Variants in EDC3 observed in about 807,000 individuals in gnomAD.
EDC3 encodes the protein enhancer of mRNA decapping 3.
In EDC3, 20 loss-of-function variants were observed where a neutral mutation model predicts 41.8. The ratio of observed to expected loss-of-function variants is 0.48; its 90% confidence interval spans 0.34 to 0.70. The LOEUF (loss-of-function observed/expected upper bound fraction) is 0.70. EDC3 is among the 30% of genes least tolerant of loss of function. The pLI, the probability that EDC3 is intolerant of heterozygous loss-of-function variation, is 0.01. For missense variants in EDC3, 444 were observed against 636.8 expected, an observed-to-expected ratio of 0.70 and a Z score of 3.26; for synonymous variants, 206 against 243.2, an observed-to-expected ratio of 0.85 and a Z score of 1.42.
At chr15:74,694,800 C>T (rs1419562387) in intron 1 of EDC3, among the ~76,000 whole-genome samples, 2 of 152,026 alleles carry the variant, frequency 1.3e-5, no homozygotes, top group Non-Finnish European at 2.9e-5. Context: ...AACTGTGGGT[C>T]ACAGGTAAAA....
intron 1 of EDC3, among the ~76,000 whole-genome samples, chr15:74,688,427 A>C (rs1179803375): frequency 6.6e-6 from 1 of 152,244 alleles, no homozygotes; most frequent in African/African-American, 2.4e-5. Context: ...CAATTCACCC[A>C]TGTGACCACC....
At chr15:74,690,561 G>T (rs1014673692) in intron 1 of EDC3, among the ~76,000 whole-genome samples, 1 of 152,218 alleles carries the variant, frequency 6.6e-6, no homozygotes, top group Non-Finnish European at 1.5e-5. Context: ...GGATGAGTGA[G>T]TAGTTATAGA....
At chr15:74,693,447 A>G (rs1596339162) in intron 1 of EDC3, among the ~76,000 whole-genome samples, 1 of 152,182 alleles carries the variant, frequency 6.6e-6, no homozygotes, top group East Asian at 1.9e-4. Context: ...GGCAATCACC[A>G]ACCAAATGAC....
chr15:74,687,774 C>G (rs1482971323), intron 1 of EDC3, among the ~76,000 whole-genome samples: 1 of 152,154 alleles, frequency 6.6e-6, no homozygotes, highest in Admixed American at 6.6e-5. Flanking sequence ...TCCTGATCAA[C>G]CTTTGCCTAA....
At chr15:74,648,295 T>G (rs2062440438) in intron 4 of EDC3, among the ~76,000 whole-genome samples, 1 of 152,232 alleles carries the variant, frequency 6.6e-6, no homozygotes, top group Non-Finnish European at 1.5e-5. Context: ...CTTGAAAGCC[T>G]TAGATTACTT....
rs547842481 is a variant in EDC3, at chr15:74,634,767, C to T, written c.1192+642G>A. ...TCTTGTCTTAGCCACCATAATCTCTCTCTCCCATGATCACAACAGCATCTT... is the reference window on the plus strand; with the variant it reads ...TCTTGTCTTAGCCACCATAATCTCTTTCTCCCATGATCACAACAGCATCTT... On this transcript the variant is annotated intron_variant, in intron 6 of 6. Transcript: ENST00000315127. Among the ~76,000 whole-genome samples, 12 of 152,334 alleles carry T rather than the reference C, an allele frequency of 7.9e-5. No individual in the cohort carries two copies. The South Asian group carries it at 2.1e-3, about 26-fold the overall frequency.
At position 74,668,627 on chromosome 15, in the gene EDC3, G is replaced by C. The variant is rs548780045; in HGVS notation, c.484+2828C>G. Among the ~76,000 whole-genome samples, 78 of 152,162 alleles carry C rather than the reference G, an allele frequency of 5.1e-4. 1 individual carries two copies. The highest frequency in any genetic ancestry group is 4.1e-3 in the Admixed American group (63 of 15,266). ...CCCAGCTACTCAGGAGGCTGAGGTG[G>C]GAGGATCATTTGAGCCTGGGAGTTC... On this transcript the variant is annotated intron_variant, in intron 3 of 6. Coordinates refer to ENST00000315127, the MANE Select transcript of EDC3 (RefSeq NM_025083.5).
At chr15:74,644,815 A>G (rs575236072) in intron 4 of EDC3, 1 of 152,226 alleles carries the variant, frequency 6.6e-6, no homozygotes, top group African/African-American at 2.4e-5. Context: ...GCTCAACAAA[A>G]ACCTACTAAT....
At chr15:74,687,502 T>C (rs1029012656) in intron 1 of EDC3, among the ~76,000 whole-genome samples, 2 of 152,140 alleles carry the variant, frequency 1.3e-5, no homozygotes, top group Admixed American at 6.6e-5. Context: ...CTCAGCCTCC[T>C]GAGTAGCTGG....
At chr15:74,689,859 A>ATTTCTTAC (rs1253932834) in intron 1 of EDC3, among the ~76,000 whole-genome samples, 1 of 152,230 alleles carries the variant, frequency 6.6e-6, no homozygotes, top group African/African-American at 2.4e-5. Context: ...AGGTAAGAAT[A>ATTTCTTAC]CTTTAATTCA....
intron 3 of EDC3, among the ~76,000 whole-genome samples, chr15:74,667,212 A>C (rs572208881): frequency 1.3e-5 from 2 of 152,214 alleles, no homozygotes; most frequent in East Asian, 3.9e-4. Context: ...GTAATGGATT[A>C]AAGTTGGAGA....
chr15:74,649,496 C>T (rs1050705391), intron 4 of EDC3, among the ~76,000 whole-genome samples: 8 of 152,224 alleles, frequency 5.3e-5, no homozygotes, highest in African/African-American at 1.4e-4. Flanking sequence ...CTATGACTTA[C>T]CCAGAGTATT....
At chr15:74,686,082 T>C (rs979468580) in intron 1 of EDC3, among the ~76,000 whole-genome samples, 4 of 151,710 alleles carry the variant, frequency 2.6e-5, no homozygotes, top group African/African-American at 9.7e-5. Flanking sequence ...ATCCCAGCAC[T>C]TTGGAAGGCT....
intron 4 of EDC3, among the ~76,000 whole-genome samples, chr15:74,647,762 T>G (rs2141598517): frequency 6.6e-6 from 1 of 152,332 alleles, no homozygotes; most frequent in East Asian, 1.9e-4. Flanking sequence ...CTCAACCAAG[T>G]CACTGGCAGG....
intron 1 of EDC3, among the ~76,000 whole-genome samples, chr15:74,686,487 C>CA (rs1156323873): frequency 8.0e-5 from 12 of 150,472 alleles, no homozygotes; most frequent in Admixed American, 1.3e-4. Context: ...GACTCCATCT[C>CA]AAAAAAAATT....
chr15:74,661,292 T>C (rs568957780), intron 3 of EDC3, among the ~76,000 whole-genome samples: 23 of 152,290 alleles, frequency 1.5e-4, no homozygotes, highest in Admixed American at 8.5e-4. Flanking sequence ...ATCAAGAAGG[T>C]CATTCCAAAC....
intron 1 of EDC3, among the ~76,000 whole-genome samples, chr15:74,678,253 T>C (rs1402858106): frequency 1.3e-5 from 2 of 152,074 alleles, no homozygotes; most frequent in Admixed American, 1.3e-4. Context: ...CAACGAAGTG[T>C]CAGTGTAGGT....
rs2062742903 is a variant in EDC3 at position 74,671,871 on chromosome 15, C to A, written c.165-97G>T. ...AAACAGCTACCCCTTTGCAGGACTG[C>A]ATTTTATTGAGTTATCAGAGGCTAG... is the stretch of plus-strand genomic sequence containing the variant. On this transcript the variant is annotated intron_variant, in intron 2 of 6. Coordinates refer to ENST00000315127, the MANE Select transcript of EDC3 (RefSeq NM_025083.5). The surrounding 1 kb of genome is among the most constrained non-coding windows in gnomAD (Gnocchi z 4.6). 3.2e-6 allele frequency: 4 copies of A among 1,234,250 alleles called. No individual in the cohort carries two copies. The highest frequency in any genetic ancestry group is 4.6e-6 in the Non-Finnish European group (4 of 869,670). 76.5% of individuals were successfully genotyped at this position (1,234,250 alleles called of 1,614,324 possible).
rs987316336 is a variant in EDC3, at chr15:74,661,592, G to A, written c.485-5524C>T. On this transcript the variant is annotated intron_variant, in intron 3 of 6. Coordinates refer to ENST00000315127, the MANE Select transcript of EDC3 (RefSeq NM_025083.5). ...CAGAAGTTCGAGACCAGCACTGGGC[G>A]TGGTGGAATACACCTGTAATCCCAG... is the stretch of plus-strand genomic sequence containing the variant. Among the ~76,000 whole-genome samples the A allele has an allele frequency of 5.3e-5, 8 of 151,964 alleles. No homozygotes were observed. The South Asian group carries it at 6.2e-4, about 12-fold the overall frequency.
Sources: allele counts gnomAD v4.1 joint callset (sites outside exome capture counted in the v4.1 genomes callset), GRCh38; gene constraint gnomAD v4.1.1; non-coding constraint Gnocchi (gnomAD v3.1); transcripts MANE v1.5; gene names NCBI Gene and HGNC (gene_info 2026-07-23, HGNC 2026-07-21).